The following ANKRD62 variants were observed in gnomAD, a reference collection of about 807,000 sequenced individuals.
ANKRD62 encodes ankyrin repeat domain 62.
In ANKRD62, 61 loss-of-function variants were observed where a neutral mutation model predicts 98.8. The ratio of observed to expected loss-of-function variants is 0.62; its 90% CI spans 0.50 to 0.76. The LOEUF is 0.76. Among genes scored for constraint, ANKRD62 ranks in the 30% least tolerant of loss-of-function variants. The pLI is 0.00. For synonymous variants in ANKRD62, 341 were observed against 367.9 expected (o/e 0.93, Z 0.84); for missense variants, 933 against 1,082.9 (o/e 0.86, Z 1.94).
chr18:12,158,289 G>T, the ANKRD62 span, among the ~76,000 whole-genome samples: 1 of 152,184 alleles, frequency 6.6e-6, no homozygotes, highest in Non-Finnish European at 1.5e-5. Flanking sequence ...TTGTGGCTTT[G>T]GTGACATTTC....
intron 10 of ANKRD62, among the ~76,000 whole-genome samples, chr18:12,116,121 A>G (rs1909659131): frequency 6.6e-6 from 1 of 152,178 alleles, no homozygotes; most frequent in Non-Finnish European, 1.5e-5. Flanking sequence ...TAAAGTGCAC[A>G]TATGTAAAGT....
the ANKRD62 span, among the ~76,000 whole-genome samples, chr18:12,171,941 G>C: frequency 5.3e-5 from 8 of 152,198 alleles, no homozygotes; most frequent in Admixed American, 6.5e-5. Context: ...ACTGAAGCTT[G>C]TGCATGTATC....
the ANKRD62 span, among the ~76,000 whole-genome samples, chr18:12,175,882 C>T: frequency 6.6e-6 from 1 of 151,842 alleles, no homozygotes; most frequent in Admixed American, 6.6e-5. Flanking sequence ...TCAGGATGCT[C>T]TTTAATTAAA....
the ANKRD62 span, among the ~76,000 whole-genome samples, chr18:12,150,220 G>T: frequency 6.6e-6 from 1 of 152,160 alleles, no homozygotes; most frequent in Non-Finnish European, 1.5e-5. Flanking sequence ...CTTGAAGACT[G>T]GCTCTCTGAA....
At chr18:12,162,786 TG>T in the ANKRD62 span, among the ~76,000 whole-genome samples, 27 of 152,070 alleles carry the variant, frequency 1.8e-4, no homozygotes, top group Non-Finnish European at 3.5e-4. Context: ...TTTTCCTTGG[TG>T]TATGTTCTTA....
intron 1 of ANKRD62, among the ~76,000 whole-genome samples, chr18:12,094,639 G>C (rs1460599031): frequency 3.1e-5 from 1 of 32,112 alleles, no homozygotes; most frequent in Non-Finnish European, 6.1e-5. Flanking sequence ...GAGGACTGGT[G>C]GGGGGTGGGA....
intron 8 of ANKRD62, among the ~76,000 whole-genome samples, chr18:12,111,369 T>C (rs1468863300): frequency 9.2e-5 from 14 of 152,176 alleles, no homozygotes; most frequent in Admixed American, 9.2e-4. Flanking sequence ...TCAACATTTA[T>C]GTTAAAAGCT....
intron 10 of ANKRD62, among the ~76,000 whole-genome samples, chr18:12,117,436 A>T (rs1439801864): frequency 6.6e-6 from 1 of 152,166 alleles, no homozygotes; most frequent in Non-Finnish European, 1.5e-5. Flanking sequence ...TTATTTTTTC[A>T]ACTGGGATGA....
At chr18:12,098,181 G>A (rs1453801771) in intron 5 of ANKRD62, among the ~76,000 whole-genome samples, 2 of 152,118 alleles carry the variant, frequency 1.3e-5, no homozygotes, top group Admixed American at 6.5e-5. Context: ...CTTAGATAGA[G>A]GAGGGTCCCA....
At chr18:12,133,046 G>C (rs1910029161), downstream of ANKRD62, among the ~76,000 whole-genome samples, 1 of 151,990 alleles carries the variant, frequency 6.6e-6, no homozygotes, top group Non-Finnish European at 1.5e-5. Flanking sequence ...ATCCCTAATA[G>C]AAACTCTGTA....
the ANKRD62 span, among the ~76,000 whole-genome samples, chr18:12,164,510 A>G: frequency 6.6e-6 from 1 of 151,608 alleles, no homozygotes; most frequent in Non-Finnish European, 1.5e-5. Flanking sequence ...GATCATTTTT[A>G]TATCTTCCAC....
the ANKRD62 span, among the ~76,000 whole-genome samples, chr18:12,164,414 G>A: frequency 1.3e-5 from 2 of 151,558 alleles, no homozygotes; most frequent in South Asian, 2.1e-4. Context: ...CTAGCTAAAG[G>A]TTGTCAATTT....
the ANKRD62 span, among the ~76,000 whole-genome samples, chr18:12,141,215 A>G: frequency 1.3e-5 from 2 of 152,206 alleles, no homozygotes; most frequent in Non-Finnish European, 2.9e-5. Flanking sequence ...GCGCAGTATT[A>G]GGGTGGGAGT....
intron 11 of ANKRD62, among the ~76,000 whole-genome samples, chr18:12,123,795 A>T (rs1302636068): frequency 6.6e-6 from 1 of 152,206 alleles, no homozygotes; most frequent in Non-Finnish European, 1.5e-5. Flanking sequence ...AACTTTTTTT[A>T]AAATTAGCTA....
chr18:12,160,643 G>C, the ANKRD62 span, among the ~76,000 whole-genome samples: 12 of 152,076 alleles, frequency 7.9e-5, no homozygotes, highest in East Asian at 2.1e-3. Flanking sequence ...TCCATTTTTT[G>C]TTTTTATGTT....
chr18:12,141,485 G>A, the ANKRD62 span, among the ~76,000 whole-genome samples: 15 of 151,898 alleles, frequency 9.9e-5, no homozygotes, highest in South Asian at 4.2e-4. Flanking sequence ...ACTCAACTCC[G>A]TCAGGCCTCT....
At chr18:12,180,961 C>T in the ANKRD62 span, among the ~76,000 whole-genome samples, 1 of 141,034 alleles carries the variant, frequency 7.1e-6, no homozygotes. Flanking sequence ...CACAACAGGC[C>T]CCAGTGTGTG....
chr18:12,117,906 A>C (rs919479781), intron 10 of ANKRD62, among the ~76,000 whole-genome samples: 4 of 152,180 alleles, frequency 2.6e-5, no homozygotes, highest in African/African-American at 9.6e-5. Context: ...TATTATAAAG[A>C]CTTTATTTAT....
At position 12,127,908 on chromosome 18, in the gene ANKRD62, T is replaced by A; in HGVS notation, c.2723T>A (p.Met908Lys). The A allele has an allele frequency of 6.6e-7, 1 of 1,506,254 alleles. No individual in the cohort carries two copies. Among genetic ancestry groups the A allele is most frequent in the Non-Finnish European group, 8.8e-7 (1 of 1,134,886 alleles). The allele number at this position is 1,506,254 out of a possible 1,614,324, so 93.3% of individuals were successfully genotyped here. Residue 908 changes from methionine (M) to lysine (K), a missense_variant, in exon 14 of 14, where the codon ATG (methionine) becomes AAG (lysine). Physicochemically the swap from Met to Lys is moderately conservative, Grantham distance 95 (BLOSUM62 -1). Around this residue, in one of 3 missense-constraint regions of ANKRD62, gnomAD observed 362 missense variants for 434.5 expected, o/e 0.83. Coordinates refer to ENST00000587848, the MANE Select transcript of ANKRD62 (RefSeq NM_001277333.2). The part of the protein sequence containing the change: ...KLGQMRSQVC[M>K]KLSMSTVTL ...GGCCAGATGAGAAGTCAAGTATGTA[T>A]GAAACTTAGCATGTCAACAGTTACT...
Sources: gnomAD v4.1 joint callset for allele counts (sites outside exome capture counted in the v4.1 genomes callset) on GRCh38, gnomAD v4.1.1 for gene constraint, gnomAD v4.1.1 regional missense constraint, MANE v1.5 for transcripts, NCBI Gene and HGNC (gene_info 2026-07-23, HGNC 2026-07-21) for gene names.